The following ASPH variants were observed in gnomAD, a reference collection of about 807,000 sequenced individuals.
ASPH encodes the protein aspartate beta-hydroxylase, also known as aspartyl/asparaginyl beta-hydroxylase.
Under a neutral mutation model 118.4 loss-of-function variants are expected in ASPH, and 100 were observed. The observed-to-expected ratio is 0.84, with a 90% CI of 0.72 to 1.00. ASPH has a LOEUF of 1.00. ASPH is among the 50% of genes least tolerant of loss of function. The pLI, the probability that ASPH is intolerant of heterozygous loss-of-function variation, is 0.00. For missense variants in ASPH, 920 were observed against 919.5 expected, an observed-to-expected ratio of 1.00 and a Z score of -0.01; for synonymous variants, 315 against 325.6, an observed-to-expected ratio of 0.97 and a Z score of 0.35.
At chr8:61,558,381 T>A (rs892413249) in intron 18 of ASPH, among the ~76,000 whole-genome samples, 1 of 152,202 alleles carries the variant, frequency 6.6e-6, no homozygotes, top group Non-Finnish European at 1.5e-5. Context: ...AAAGAGAATG[T>A]TGTTAAATTA....
At chr8:61,603,708 A>G (rs746241381) in intron 14 of ASPH, among the ~76,000 whole-genome samples, 1 of 152,192 alleles carries the variant, frequency 6.6e-6, no homozygotes, top group Non-Finnish European at 1.5e-5. Flanking sequence ...GACAATCCCT[A>G]TCCCCAAGTA....
rs768481858 is a variant in ASPH at position 61,517,638 on chromosome 8, G to A, written c.2016C>T (p.Pro672=). Residue 672 remains proline (P), a synonymous_variant, in exon 24 of 25, where the codon CCC becomes CCT. Transcript: ENST00000379454. The part of the protein sequence containing the change: ...RGQIKYSIMH[P]GTHVWPHTGP... ...CTGTGTGCGGCCACACGTGAGTCCC[G>A]GGGTGCATGATGGAATATTTGATCT... The A allele has an allele frequency of 1.1e-5, 18 of 1,613,886 alleles. No homozygotes were observed. Among genetic ancestry groups the A allele is most frequent in the South Asian group, 6.6e-5 (6 of 91,074 alleles).
rs371592358 is a variant in ASPH, at chr8:61,619,571, C to T, written c.935-552G>A. On this transcript the variant is annotated intron_variant, in intron 13 of 24. Transcript: ENST00000379454. Reference sequence around the variant, plus strand: ...AGCCAGAGATGAACCCAAGACCCCACCTGTGTCAGATGCACTAAGTAAATC... The same window carrying T: ...AGCCAGAGATGAACCCAAGACCCCATCTGTGTCAGATGCACTAAGTAAATC... Among the ~76,000 whole-genome samples the T allele has an allele frequency of 9.8e-5, 15 of 152,316 alleles. 1 individual carries two copies. The East Asian group carries it at 1.9e-3, about 20-fold the overall frequency.
At chr8:61,646,941 G>C in intron 5 of ASPH, 63 bp from the exon 6 acceptor site, 1 of 1,604,104 alleles carries the variant, frequency 6.2e-7, no homozygotes, top group Admixed American at 1.7e-5. Flanking sequence ...CCCTTGTGAA[G>C]GGCTGCCACA....
intron 14 of ASPH, among the ~76,000 whole-genome samples, chr8:61,600,097 G>C (rs1390448547): frequency 6.6e-6 from 1 of 152,024 alleles, no homozygotes; most frequent in Non-Finnish European, 1.5e-5. Flanking sequence ...TGCAAGGATG[G>C]TTCAACATAT....
intron 1 of ASPH, among the ~76,000 whole-genome samples, chr8:61,710,004 T>C (rs970547915): frequency 2.6e-5 from 4 of 151,950 alleles, no homozygotes; most frequent in Admixed American, 6.6e-5. Flanking sequence ...TAAGAATAAA[T>C]CATCAAAAAA....
In ASPH at chr8:61,583,396, C is replaced by T. The variant is rs185965610; in HGVS notation, c.1062+548G>A. On this transcript the variant is annotated intron_variant, in intron 15 of 24. Coordinates refer to ENST00000379454, the MANE Select transcript of ASPH (RefSeq NM_004318.4). Reference sequence around the variant, plus strand: ...GCAACATGGTGAAACCCTGTCTCTACTAAAAATACAAAAATTAGCCAGGCA... The same window carrying T: ...GCAACATGGTGAAACCCTGTCTCTATTAAAAATACAAAAATTAGCCAGGCA... 3.9e-5 allele frequency: 6 copies of T among 152,456 alleles called. No individual in the cohort carries two copies. The East Asian group carries it at 1.2e-3, about 29-fold the overall frequency. The allele number at this position is 152,456 out of a possible 1,614,324, so 9.4% of individuals were successfully genotyped here. A position where few individuals can be genotyped will look rare whatever the true frequency, so the allele number is the denominator to read the frequency against.
At chr8:61,641,693 C>T (rs1392154096) in intron 10 of ASPH, among the ~76,000 whole-genome samples, 1 of 152,084 alleles carries the variant, frequency 6.6e-6, no homozygotes, top group Non-Finnish European at 1.5e-5. Flanking sequence ...ATAAACACTC[C>T]TAATTTTCTT....
chr8:61,702,493 A>G (rs901743407), intron 1 of ASPH, among the ~76,000 whole-genome samples: 4 of 151,954 alleles, frequency 2.6e-5, no homozygotes, highest in African/African-American at 9.7e-5. Context: ...TCACCGTGTT[A>G]GCCAGGATGG....
chr8:61,683,679 A>G (rs1031110116), intron 2 of ASPH: 6 of 162,432 alleles, frequency 3.7e-5, no homozygotes, highest in African/African-American at 1.4e-4. Flanking sequence ...GCAAGTCCTT[A>G]AATAAATGTA....
At position 61,503,394 on chromosome 8, in the gene ASPH, T is replaced by A. The variant is rs1332688459; in HGVS notation, c.2242A>T (p.Thr748Ser). 1 of 1,611,558 alleles carries A rather than the reference T, an allele frequency of 6.2e-7. No homozygotes were observed. Among genetic ancestry groups the A allele is most frequent in the Non-Finnish European group, 8.5e-7 (1 of 1,178,948 alleles). The change falls in exon 25 of 25, where the codon ACA (threonine) becomes TCA (serine). Residue 748 changes from threonine (T) to serine (S), a missense_variant. Coordinates refer to ENST00000379454, the MANE Select transcript of ASPH (RefSeq NM_004318.4). ...FIVDVWHPEL[T>S]PQQRRSLPAI is the part of the protein sequence containing the mutation. ...GGAAGGCTGCGTCTCTGCTGTGGTG[T>A]CAGTTCCGGATGCCACACATCCACG...
intron 22 of ASPH, among the ~76,000 whole-genome samples, chr8:61,518,686 C>A (rs962613332): frequency 6.6e-6 from 1 of 152,028 alleles, no homozygotes; most frequent in African/African-American, 2.4e-5. Flanking sequence ...TTTATCGATA[C>A]CATAAGTTTA....
chr8:61,598,126 C>T (rs1185937924), intron 14 of ASPH, among the ~76,000 whole-genome samples: 1 of 152,152 alleles, frequency 6.6e-6, no homozygotes, highest in African/African-American at 2.4e-5. Flanking sequence ...TAAGTCCTCA[C>T]CTATCAATAG....
At chr8:61,637,810 CTG>C (rs1317225237) in intron 12 of ASPH, 135 bp downstream of exon 12, 12 of 747,168 alleles carry the variant, frequency 1.6e-5, no homozygotes, top group East Asian at 6.2e-5. Flanking sequence ...AAAGAGGACT[CTG>C]TGTTTTCTTC....
intron 14 of ASPH, among the ~76,000 whole-genome samples, chr8:61,609,113 C>T (rs1215985492): frequency 6.6e-6 from 1 of 152,256 alleles, no homozygotes; most frequent in East Asian, 1.9e-4. Context: ...ACCACGAGTG[C>T]GGCTGCTCTC....
intron 13 of ASPH, chr8:61,628,424 A>C: frequency 3.6e-6 from 1 of 279,616 alleles, no homozygotes; most frequent in South Asian, 3.0e-5. Context: ...CCACCTTGGC[A>C]CCCCAAAGTG....
chr8:61,635,857 G>T (rs1857488781), intron 12 of ASPH, among the ~76,000 whole-genome samples: 1 of 151,996 alleles, frequency 6.6e-6, no homozygotes, highest in South Asian at 2.1e-4. Context: ...TCCTAACAGG[G>T]TGTTTCGCTC....
intron 5 of ASPH, among the ~76,000 whole-genome samples, chr8:61,648,195 C>A (rs1240358122): frequency 6.6e-6 from 1 of 152,162 alleles, no homozygotes; most frequent in East Asian, 1.9e-4. Context: ...AGAAAAATGC[C>A]TGGCCCTAAG....
chr8:61,569,774 C>A (rs746972619), intron 16 of ASPH, among the ~76,000 whole-genome samples: 3 of 152,122 alleles, frequency 2.0e-5, no homozygotes, highest in Non-Finnish European at 4.4e-5. Context: ...TGCTCCAGAC[C>A]ATTCACTATC....
Sources: gnomAD v4.1 joint callset for allele counts (sites outside exome capture counted in the v4.1 genomes callset) on GRCh38, gnomAD v4.1.1 for gene constraint, MANE v1.5 for transcripts, NCBI Gene and HGNC (gene_info 2026-07-23, HGNC 2026-07-21) for gene names.